Variants in MYO5B observed in about 807,000 individuals in gnomAD.
The protein encoded by MYO5B is unconventional myosin-Vb.
Under a neutral mutation model 229.3 loss-of-function variants are expected in MYO5B, and 143 were observed. That is an observed-to-expected ratio of 0.62 (90% CI 0.54 to 0.72). The LOEUF is 0.72. MYO5B is among the 30% of genes least tolerant of loss of function. The pLI is 0.00. For synonymous variants in MYO5B, 918 were observed against 885.2 expected, an observed-to-expected ratio of 1.04 and a Z score of -0.66; for missense variants, 2,321 against 2,331.0, an observed-to-expected ratio of 1.00 and a Z score of 0.09.
intron 1 of MYO5B, among the ~76,000 whole-genome samples, chr18:50,154,378 A>C (rs1451466699): frequency 6.6e-6 from 1 of 152,190 alleles, no homozygotes; most frequent in Non-Finnish European, 1.5e-5. Flanking sequence ...TTCTTTGCAC[A>C]CTAAATCTGG....
intron 38 of MYO5B, 112 bp from the exon 39 acceptor site, chr18:49,835,536 G>GC: frequency 1.3e-6 from 1 of 753,660 alleles, no homozygotes; most frequent in Non-Finnish European, 2.4e-6. Flanking sequence ...TTTAGACAAG[G>GC]CCCACAACAC....
chr18:50,029,147 A>G (rs547114568), intron 4 of MYO5B, among the ~76,000 whole-genome samples: 1 of 152,230 alleles, frequency 6.6e-6, no homozygotes, highest in Non-Finnish European at 1.5e-5. Context: ...TGATAGGTAG[A>G]CACAAACAAT....
rs1002496841 is a variant in MYO5B at position 49,912,514 on chromosome 18, C to G, written c.2091-341G>C. Among the ~76,000 whole-genome samples, 9 of 152,264 alleles carry G rather than the reference C, an allele frequency of 5.9e-5. No homozygotes were observed. In the South Asian group the frequency reaches 1.7e-3, roughly 28 times the overall value. ...TGTACCTCCCATAATTCTCACATGT[C>G]GAGGGAGGTACCCAGTGGGAGATAA... On this transcript the variant is annotated intron_variant, in intron 17 of 39. Coordinates refer to ENST00000285039, the MANE Select transcript of MYO5B (RefSeq NM_001080467.3).
chr18:50,015,290 A>C (rs1216313641), intron 4 of MYO5B, among the ~76,000 whole-genome samples: 1 of 152,290 alleles, frequency 6.6e-6, no homozygotes, highest in East Asian at 1.9e-4. Context: ...AAATTAAACT[A>C]TGGCTTTCCC....
chr18:49,883,010 T>C (rs899901287), intron 22 of MYO5B, among the ~76,000 whole-genome samples: 2 of 152,162 alleles, frequency 1.3e-5, no homozygotes, highest in African/African-American at 4.8e-5. Flanking sequence ...GTGGTTATGA[T>C]AAAAACACTC....
chr18:50,016,254 C>T (rs944727301), intron 4 of MYO5B, among the ~76,000 whole-genome samples: 1 of 152,104 alleles, frequency 6.6e-6, no homozygotes, highest in Non-Finnish European at 1.5e-5. Context: ...CTCAATTCCA[C>T]CAAAATATGT....
intron 12 of MYO5B, among the ~76,000 whole-genome samples, chr18:49,957,234 TC>T (rs1170868680): frequency 3.3e-5 from 3 of 90,830 alleles, no homozygotes; most frequent in Non-Finnish European, 6.4e-5. Context: ...CCTGTGGATC[TC>T]TAAACAGAAA....
chr18:49,971,724 C>G (rs1376541144), intron 10 of MYO5B, among the ~76,000 whole-genome samples: 2 of 152,270 alleles, frequency 1.3e-5, no homozygotes, highest in East Asian at 1.9e-4. Context: ...TCTTGGCAAC[C>G]AATGGCCCAG....
chr18:49,988,119 G>A (rs1456671344), intron 7 of MYO5B, among the ~76,000 whole-genome samples: 4 of 152,220 alleles, frequency 2.6e-5, no homozygotes, highest in Non-Finnish European at 5.9e-5. Context: ...CCAAGCCAAG[G>A]GGTCTTGCAG....
intron 10 of MYO5B, among the ~76,000 whole-genome samples, chr18:49,969,261 G>A (rs2025661400): frequency 6.6e-6 from 1 of 152,176 alleles, no homozygotes; most frequent in Non-Finnish European, 1.5e-5. Flanking sequence ...GAGATGGGTA[G>A]CCTCCAAATA....
intron 1 of MYO5B, among the ~76,000 whole-genome samples, chr18:50,094,657 T>C (rs2031515339): frequency 6.6e-6 from 1 of 152,170 alleles, no homozygotes; most frequent in African/African-American, 2.4e-5. Context: ...TGGAGACCAG[T>C]GTTGCTTTTA....
chr18:49,960,332 G>A (rs541542740), intron 12 of MYO5B, among the ~76,000 whole-genome samples: 28 of 152,298 alleles, frequency 1.8e-4, no homozygotes, highest in Admixed American at 4.6e-4. Flanking sequence ...GAAAGGACGT[G>A]TCTGAGGCTG....
At chr18:50,086,699 G>C (rs2031337688) in intron 1 of MYO5B, among the ~76,000 whole-genome samples, 1 of 152,198 alleles carries the variant, frequency 6.6e-6, no homozygotes, top group Non-Finnish European at 1.5e-5. Flanking sequence ...GCATTCCACT[G>C]ACTATGCCAG....
intron 10 of MYO5B, 79 bp from the exon 11 acceptor site, chr18:49,963,109 C>T (rs1289499438): frequency 9.0e-7 from 1 of 1,109,366 alleles, no homozygotes; most frequent in African/African-American, 1.5e-5. Flanking sequence ...GCTGCTCTGA[C>T]CCAGGTCTCC....
intron 1 of MYO5B, among the ~76,000 whole-genome samples, chr18:50,081,534 T>C (rs961658331): frequency 6.6e-6 from 1 of 152,176 alleles, no homozygotes; most frequent in Non-Finnish European, 1.5e-5. Context: ...ACACAATCCC[T>C]GCACTGTAAT....
intron 12 of MYO5B, among the ~76,000 whole-genome samples, chr18:49,955,315 C>T (rs982473315): frequency 1.1e-4 from 16 of 152,140 alleles, no homozygotes; most frequent in African/African-American, 3.4e-4. Context: ...ACAGAGTCAC[C>T]GTAACCACCA....
At chr18:49,934,454 T>A (rs1191260280) in intron 16 of MYO5B, among the ~76,000 whole-genome samples, 1 of 152,206 alleles carries the variant, frequency 6.6e-6, no homozygotes, top group Non-Finnish European at 1.5e-5. Context: ...CAGTGTCTTC[T>A]CTCCTTTGAG....
At chr18:49,921,705 G>A (rs937948111) in intron 17 of MYO5B, among the ~76,000 whole-genome samples, 2 of 152,248 alleles carry the variant, frequency 1.3e-5, no homozygotes, top group South Asian at 2.1e-4. Context: ...ATTAATTTGG[G>A]GAAGGGGGGT....
intron 14 of MYO5B, among the ~76,000 whole-genome samples, chr18:49,944,835 CACAG>C (rs1401164791): frequency 6.6e-6 from 1 of 152,116 alleles, no homozygotes; most frequent in Non-Finnish European, 1.5e-5. Flanking sequence ...GCAAGGCATC[CACAG>C]ACAGACACCG....
Sources: allele counts gnomAD v4.1 joint callset (sites outside exome capture counted in the v4.1 genomes callset), GRCh38; gene constraint gnomAD v4.1.1; transcripts MANE v1.5; gene names NCBI Gene and HGNC (gene_info 2026-07-23, HGNC 2026-07-21).